GPD2: variants seen among roughly 807,000 people sequenced by gnomAD.
GPD2 encodes glycerol-3-phosphate dehydrogenase, mitochondrial.
A neutral mutation model predicts 82.4 loss-of-function variants in GPD2; 54 were observed. The ratio of observed to expected loss-of-function variants is 0.66; its 90% CI spans 0.53 to 0.82. The LOEUF (loss-of-function observed/expected upper bound fraction) is 0.82. Among genes scored for constraint, GPD2 ranks in the 40% least tolerant of loss-of-function variants. The pLI is 0.00. For missense variants in GPD2, 748 were observed against 896.2 expected, an observed-to-expected ratio of 0.83 and a Z score of 2.11; for synonymous variants, 288 against 306.1, an observed-to-expected ratio of 0.94 and a Z score of 0.62.
At chr2:156,454,575 T>A (rs563361610) in intron 1 of GPD2, among the ~76,000 whole-genome samples, 27 of 152,252 alleles carry the variant, frequency 1.8e-4, no homozygotes, top group Admixed American at 1.8e-3. Flanking sequence ...GCATCTGAAA[T>A]TCAGGTTAAA....
intron 1 of GPD2, among the ~76,000 whole-genome samples, chr2:156,442,413 AAACAT>A (rs1183211625): frequency 6.6e-6 from 1 of 152,248 alleles, no homozygotes; most frequent in African/African-American, 2.4e-5. Context: ...GATTTCAAGA[AAACAT>A]AAAATAAGCT....
At chr2:156,558,592 TTTTTG>T (rs527725690) in intron 9 of GPD2, among the ~76,000 whole-genome samples, 4 of 151,772 alleles carry the variant, frequency 2.6e-5, no homozygotes, top group African/African-American at 9.7e-5. Flanking sequence ...AACATAAAGC[TTTTTG>T]TTTTGTTTTG....
At chr2:156,530,437 A>T (rs1323976477) in intron 6 of GPD2, among the ~76,000 whole-genome samples, 12 of 151,410 alleles carry the variant, frequency 7.9e-5, no homozygotes, top group Non-Finnish European at 1.8e-4. Context: ...TCTCCTGTCT[A>T]ATTGCCCTGG....
chr2:156,471,603 A>G (rs1294278006), intron 1 of GPD2, among the ~76,000 whole-genome samples: 3 of 152,126 alleles, frequency 2.0e-5, no homozygotes, highest in South Asian at 2.1e-4. Flanking sequence ...GTCTTTCTCT[A>G]TAACGTTCCC....
In GPD2 at chr2:156,564,780, A is replaced by G. The variant is rs1053753739; in HGVS notation, c.1166-4045A>G. Among the ~76,000 whole-genome samples the G allele has an allele frequency of 1.1e-4, 16 of 152,226 alleles. No individual in the cohort carries two copies. The East Asian group carries it at 2.9e-3, about 28-fold the overall frequency. ...AGGAAATTTGATCATCCTTAAATGTATTATTTTTAATAAATTTATTCCCAA... is the reference window on the plus strand; with the variant it reads ...AGGAAATTTGATCATCCTTAAATGTGTTATTTTTAATAAATTTATTCCCAA... On this transcript the variant is annotated intron_variant, in intron 9 of 16. Coordinates refer to ENST00000438166, the MANE Select transcript of GPD2 (RefSeq NM_000408.5).
At chr2:156,502,860 A>G (rs1189556546) in intron 3 of GPD2, among the ~76,000 whole-genome samples, 2 of 78,784 alleles carry the variant, frequency 2.5e-5, no homozygotes, top group Non-Finnish European at 5.9e-5. Context: ...GAATCCATTT[A>G]CATTTTTTTT....
intron 4 of GPD2, among the ~76,000 whole-genome samples, chr2:156,511,637 G>T (rs1163523361): frequency 6.6e-6 from 1 of 152,168 alleles, no homozygotes; most frequent in African/African-American, 2.4e-5. Flanking sequence ...TTTAGAATCA[G>T]CTAACTTGTG....
intron 6 of GPD2, among the ~76,000 whole-genome samples, chr2:156,534,660 T>A (rs1685994943): frequency 6.6e-6 from 1 of 152,248 alleles, no homozygotes; most frequent in Non-Finnish European, 1.5e-5. Context: ...GGTTTATAGC[T>A]TTCTAAGTAA....
chr2:156,497,896 C>G (rs984060442), intron 3 of GPD2, among the ~76,000 whole-genome samples: 1 of 152,104 alleles, frequency 6.6e-6, no homozygotes, highest in Non-Finnish European at 1.5e-5. Context: ...AAAGGAAGAA[C>G]AGTTTGAGAA....
chr2:156,515,631 T>C (rs928816331), intron 6 of GPD2, among the ~76,000 whole-genome samples: 11 of 152,208 alleles, frequency 7.2e-5, no homozygotes, highest in Non-Finnish European at 1.5e-5. Context: ...TATAGCCTGT[T>C]ATAGGTTGCA....
intron 6 of GPD2, among the ~76,000 whole-genome samples, chr2:156,538,385 T>C (rs1686160614): frequency 6.6e-6 from 1 of 151,888 alleles, no homozygotes; most frequent in African/African-American, 2.4e-5. Context: ...TTGGAGAAGA[T>C]GGTGGGGGAT....
intron 9 of GPD2, among the ~76,000 whole-genome samples, chr2:156,568,062 G>T (rs920338525): frequency 6.6e-6 from 1 of 152,188 alleles, no homozygotes; most frequent in Non-Finnish European, 1.5e-5. Context: ...TATGGAAGTT[G>T]TCAGAAGTTG....
chr2:156,492,785 G>T (rs1309842306), intron 2 of GPD2, among the ~76,000 whole-genome samples: 1 of 152,142 alleles, frequency 6.6e-6, no homozygotes, highest in Non-Finnish European at 1.5e-5. Context: ...GCAGATATAG[G>T]ACTTAAGAGA....
chr2:156,441,157 C>A (rs768133395), intron 1 of GPD2, among the ~76,000 whole-genome samples: 17 of 152,194 alleles, frequency 1.1e-4, no homozygotes, highest in Admixed American at 2.6e-4. Context: ...GGAAGGAAGG[C>A]ATGCCCAGAG....
At chr2:156,418,439 A>T in the GPD2 span, among the ~76,000 whole-genome samples, 2 of 151,774 alleles carry the variant, frequency 1.3e-5, no homozygotes, top group Admixed American at 6.6e-5. Flanking sequence ...CATTAATAAT[A>T]AAAAAAAGGA....
At chr2:156,427,646 A>G in the GPD2 span, among the ~76,000 whole-genome samples, 12 of 152,248 alleles carry the variant, frequency 7.9e-5, no homozygotes, top group Non-Finnish European at 1.5e-4. Context: ...AGAAAGATAG[A>G]TTGGCATTAG....
chr2:156,400,833 C>T, the GPD2 span, among the ~76,000 whole-genome samples: 16 of 152,320 alleles, frequency 1.1e-4, no homozygotes, highest in Admixed American at 6.5e-4. Context: ...CAATCCCCGG[C>T]ATCTCCAAAT....
At chr2:156,444,494 C>T (rs998938576) in intron 1 of GPD2, among the ~76,000 whole-genome samples, 2 of 152,096 alleles carry the variant, frequency 1.3e-5, no homozygotes, top group Admixed American at 6.5e-5. Flanking sequence ...AGGTGGATTG[C>T]TTGAGGCCAG....
chr2:156,548,443 A>G (rs1686630960), intron 6 of GPD2, among the ~76,000 whole-genome samples: 1 of 152,114 alleles, frequency 6.6e-6, no homozygotes, highest in Non-Finnish European at 1.5e-5. Flanking sequence ...AGAGCATTTA[A>G]TTTTGGGGGG....
Sources: allele counts gnomAD v4.1 joint callset (sites outside exome capture counted in the v4.1 genomes callset), GRCh38; gene constraint gnomAD v4.1.1; transcripts MANE v1.5; gene names NCBI Gene and HGNC (gene_info 2026-07-23, HGNC 2026-07-21).